ACADSB: variants seen among roughly 807,000 people sequenced by gnomAD.
ACADSB encodes the protein acyl-CoA dehydrogenase short/branched chain.
Under a neutral mutation model 54.1 loss-of-function variants are expected in ACADSB, and 40 were observed. That is an observed-to-expected ratio of 0.74 (90% CI 0.57 to 0.96). ACADSB has a LOEUF of 0.96. ACADSB is among the 40% of genes least tolerant of loss of function. The pLI, the probability that ACADSB is intolerant of heterozygous loss-of-function variation, is 0.00. For missense variants in ACADSB, 530 were observed against 510.4 expected (o/e 1.04, Z -0.37); for synonymous variants, 182 against 182.8 (o/e 1.00, Z 0.03).
chr10:123,042,658 G>A (rs1311731144), intron 5 of ACADSB, among the ~76,000 whole-genome samples: 3 of 151,678 alleles, frequency 2.0e-5, no homozygotes, highest in Non-Finnish European at 4.4e-5. Flanking sequence ...ATGTTGGCCA[G>A]GCTGGTTTCA....
chr10:123,029,176 G>A (rs1184810612), intron 1 of ACADSB, among the ~76,000 whole-genome samples: 5 of 151,828 alleles, frequency 3.3e-5, no homozygotes, highest in African/African-American at 1.2e-4. Flanking sequence ...GTGAAACCCC[G>A]TCTCTACTAA....
intron 1 of ACADSB, among the ~76,000 whole-genome samples, chr10:123,011,775 C>G (rs1850039445): frequency 6.6e-6 from 1 of 151,988 alleles, no homozygotes. Flanking sequence ...ACTTCATGAT[C>G]CACCCGCCAT....
intron 6 of ACADSB, 21 bp from the exon 7 acceptor site, chr10:123,044,372 A>C: frequency 6.5e-7 from 1 of 1,545,108 alleles, no homozygotes; most frequent in East Asian, 2.2e-5. Flanking sequence ...CTGAGAAATA[A>C]GTGCACATTT....
Position 123,044,398 on chromosome 10 carries a change from A to C in ACADSB, c.813A>C (p.Pro271=), listed in dbSNP as rs1161207800. 6.2e-7 allele frequency: 1 copy of C among 1,611,742 alleles called. No homozygotes were observed. The highest frequency in any genetic ancestry group is 8.5e-7 in the Non-Finnish European group (1 of 1,177,826). ...GTGCACATTTGTATTTTCAGGTTCC[A>C]GAAGCCAATATCTTGGGACAAATTG... The part of the protein sequence containing the change: ...CPLTFENVKV[P]EANILGQIGH... Residue 271 remains proline, a synonymous_variant, in exon 7 of 11, where the codon CCA becomes CCC. Transcript: ENST00000358776.
chr10:123,045,345 AT>A (rs57005199), intron 7 of ACADSB, among the ~76,000 whole-genome samples: 145,483 of 147,964 alleles, frequency 0.98, 71,577 homozygotes, highest in Middle Eastern at 1. Flanking sequence ...CGCCCAGCCA[AT>A]TTTTTTTGTA....
intron 1 of ACADSB, among the ~76,000 whole-genome samples, chr10:123,011,929 G>A (rs1427374874): frequency 1.3e-5 from 2 of 151,416 alleles, no homozygotes; most frequent in African/African-American, 4.9e-5. Flanking sequence ...ATAGCTCACC[G>A]TAACCTTGAA....
intron 5 of ACADSB, among the ~76,000 whole-genome samples, chr10:123,042,048 C>T (rs1850482667): frequency 1.3e-5 from 2 of 151,278 alleles, no homozygotes; most frequent in Admixed American, 6.6e-5. Flanking sequence ...TCACTGCAAC[C>T]TCCTCCTCCT....
Position 123,037,986 on chromosome 10 carries a change from T to A in ACADSB, c.303+139T>A, listed in dbSNP as rs573342628. Reference sequence around the variant, plus strand: ...GTTGAAATCCTACTTGATATTTATGTACTTAAAAGTTCTTAAAAATGGAAT... The same window carrying A: ...GTTGAAATCCTACTTGATATTTATGAACTTAAAAGTTCTTAAAAATGGAAT... On this transcript the variant is annotated intron_variant, in intron 3 of 10. Transcript: ENST00000358776. 9.2e-5 allele frequency: 61 copies of A among 666,354 alleles called. 1 individual carries two copies. In the East Asian group the frequency reaches 1.6e-3, roughly 18 times the overall value. The allele number at this position is 666,354 out of a possible 1,614,324, so 41.3% of individuals were successfully genotyped here.
intron 1 of ACADSB, among the ~76,000 whole-genome samples, chr10:123,013,226 T>C (rs908278393): frequency 1.2e-4 from 18 of 152,216 alleles, no homozygotes; most frequent in African/African-American, 4.3e-4. Flanking sequence ...ATCCCTTAGC[T>C]AGACATAAAG....
At chr10:123,046,810 G>A (rs1290546400) in intron 7 of ACADSB, among the ~76,000 whole-genome samples, 2 of 152,202 alleles carry the variant, frequency 1.3e-5, no homozygotes, top group Non-Finnish European at 2.9e-5. Flanking sequence ...TAGAAGAACT[G>A]GAGGGCCTTC....
intron 1 of ACADSB, among the ~76,000 whole-genome samples, chr10:123,017,885 T>G (rs1850128171): frequency 6.6e-6 from 1 of 152,128 alleles, no homozygotes; most frequent in African/African-American, 2.4e-5. Context: ...CTGGGGTGAA[T>G]AGAAAGGAAT....
At chr10:123,018,654 T>C (rs1256270363) in intron 1 of ACADSB, among the ~76,000 whole-genome samples, 1 of 152,152 alleles carries the variant, frequency 6.6e-6, no homozygotes, top group Non-Finnish European at 1.5e-5. Flanking sequence ...GACTGGGTAA[T>C]TTATAAAGAA....
chr10:123,035,603 G>A (rs759573795), intron 2 of ACADSB, among the ~76,000 whole-genome samples: 6 of 152,178 alleles, frequency 3.9e-5, no homozygotes, highest in East Asian at 1.9e-4. Context: ...AAGTCCAGGC[G>A]CAGGGTCTCA....
rs10571424 is a variant in ACADSB at position 123,051,188 on chromosome 10, TAAAAAA to T, written c.1128+21_1128+26del. The T allele has an allele frequency of 0.033, 33,277 of 1,008,206 alleles. 60 individuals carry two copies. The highest frequency in any genetic ancestry group is 0.034 in the Non-Finnish European group (28,115 of 818,070). The allele number at this position is 1,008,206 out of a possible 1,614,324, so 62.5% of individuals were successfully genotyped here. A position where few individuals can be genotyped will look rare whatever the true frequency, so the allele number is the denominator to read the frequency against. The stretch of plus-strand genomic sequence containing the variant: ...ATGGCCAAATACTATGCATCAGAGG[TAAAAAA>T]AAAAAAAAAAAAAAAAAAGGAAAAA... On this transcript the variant is annotated splice_donor_5th_base_variant and intron_variant, in intron 9 of 10. Transcript: ENST00000358776.
chr10:123,036,096 T>C (rs1850394678), intron 2 of ACADSB, among the ~76,000 whole-genome samples: 1 of 151,270 alleles, frequency 6.6e-6, no homozygotes, highest in East Asian at 1.9e-4. Flanking sequence ...TTTTCTTTCT[T>C]TTTTTTTTGA....
chr10:123,039,049 T>C (rs1850437817), intron 3 of ACADSB, among the ~76,000 whole-genome samples: 1 of 152,256 alleles, frequency 6.6e-6, no homozygotes, highest in South Asian at 2.1e-4. Flanking sequence ...CCTGTGCAGA[T>C]GCAGCCTCAC....
At chr10:123,036,778 G>A (rs1457696729) in intron 2 of ACADSB, among the ~76,000 whole-genome samples, 1 of 152,206 alleles carries the variant, frequency 6.6e-6, no homozygotes, top group Non-Finnish European at 1.5e-5. Context: ...TTCCCAGAGA[G>A]TGTGGAGCTT....
chr10:123,044,800 T>C (rs1850528959), intron 7 of ACADSB, among the ~76,000 whole-genome samples: 1 of 152,108 alleles, frequency 6.6e-6, no homozygotes, highest in African/African-American at 2.4e-5. Flanking sequence ...AAATCAACTT[T>C]TCAAAGCATG....
intron 6 of ACADSB, among the ~76,000 whole-genome samples, chr10:123,044,093 TG>T (rs67240350): frequency 0.23 from 35,180 of 151,902 alleles, 4,182 homozygotes; most frequent in South Asian, 0.31. Flanking sequence ...AGATAAGAAT[TG>T]GGGGGGAAAA....
Sources: allele counts gnomAD v4.1 joint callset (sites outside exome capture counted in the v4.1 genomes callset), GRCh38; gene constraint gnomAD v4.1.1; transcripts MANE v1.5; gene names NCBI Gene and HGNC (gene_info 2026-07-23, HGNC 2026-07-21).